The following NIPAL2 variants were observed in gnomAD, a reference collection of about 807,000 sequenced individuals.
The protein encoded by NIPAL2 is NIPA-like protein 2.
A neutral mutation model predicts 48.9 loss-of-function variants in NIPAL2; 43 were observed. The ratio of observed to expected loss-of-function variants is 0.88; its 90% CI spans 0.69 to 1.13. The LOEUF (loss-of-function observed/expected upper bound fraction) is 1.13, where lower values mean the gene tolerates loss of function less well. Among genes scored for constraint, NIPAL2 ranks in the 50% most tolerant of loss-of-function variants. NIPAL2 has a pLI of 0.00. For synonymous variants in NIPAL2, 167 were observed against 174.6 expected (o/e 0.96, Z 0.34); for missense variants, 446 against 461.4 (o/e 0.97, Z 0.31).
At chr8:98,283,522 T>C (rs1018948210) in intron 1 of NIPAL2, among the ~76,000 whole-genome samples, 2 of 152,210 alleles carry the variant, frequency 1.3e-5, no homozygotes, top group Admixed American at 1.3e-4. Flanking sequence ...CAGGTCAATA[T>C]AGGGCCTTAT....
At chr8:98,287,989 C>T (rs897560005) in intron 1 of NIPAL2, among the ~76,000 whole-genome samples, 1 of 152,102 alleles carries the variant, frequency 6.6e-6, no homozygotes, top group African/African-American at 2.4e-5. Flanking sequence ...GTGAAGCATG[C>T]AAGTTGAATA....
At chr8:98,260,514 G>A (rs1283383580) in intron 1 of NIPAL2, among the ~76,000 whole-genome samples, 1 of 152,200 alleles carries the variant, frequency 6.6e-6, no homozygotes, top group African/African-American at 2.4e-5. Flanking sequence ...AGAAAGGGGT[G>A]ACGGACGGCA....
At chr8:98,233,560 AGTAATAC>A (rs2034482546) in intron 4 of NIPAL2, among the ~76,000 whole-genome samples, 1 of 152,204 alleles carries the variant, frequency 6.6e-6, no homozygotes, top group African/African-American at 2.4e-5. Flanking sequence ...AGAGAAGTTA[AGTAATAC>A]TAGGTTGCCT....
At chr8:98,209,486 C>G (rs1424018401) in intron 6 of NIPAL2, among the ~76,000 whole-genome samples, 2 of 147,806 alleles carry the variant, frequency 1.4e-5, no homozygotes, top group East Asian at 4.0e-4. Context: ...GGCATGATGC[C>G]ACGCATCTGT....
chr8:98,265,375 C>CT (rs1319144792), intron 1 of NIPAL2, among the ~76,000 whole-genome samples: 7 of 138,260 alleles, frequency 5.1e-5, no homozygotes, highest in Non-Finnish European at 1.1e-4. Context: ...TTTTCGCAAC[C>CT]TACTCATCTG....
At chr8:98,218,472 C>T (rs950053738) in intron 5 of NIPAL2, among the ~76,000 whole-genome samples, 2 of 152,034 alleles carry the variant, frequency 1.3e-5, no homozygotes, top group Admixed American at 1.3e-4. Context: ...CCGAGACAGG[C>T]AATCTGAGTT....
Position 98,294,028 on chromosome 8 carries a change from G to T in NIPAL2, c.110C>A (p.Ser37Ter). The T allele has an allele frequency of 6.7e-7, 1 of 1,496,924 alleles. No individual in the cohort carries two copies. The highest frequency in any genetic ancestry group is 8.9e-7 in the Non-Finnish European group (1 of 1,123,006). 92.7% of individuals were successfully genotyped at this position (1,496,924 alleles called of 1,614,324 possible). The change falls in exon 1 of 11, where the codon TCG (serine) becomes TAG (stop). Residue 37 changes from serine (S) to a stop codon, truncating the protein, a stop_gained. Coordinates refer to ENST00000430223, the MANE Select transcript of NIPAL2 (RefSeq NM_001321635.2). LOFTEE classifies it high-confidence loss of function. ...CTGGTTCCTGCGGTACCAGTCGCCC[G>T]AGAGGGAGCCGTTGCCGGCGCCTGG... ...GAPGAGNGSL[S>*]GDWYRRNQIH...
rs1813743866 is a variant in NIPAL2 at position 98,254,077 on chromosome 8, A to G, written c.146T>C (p.Phe49Ser). 6.2e-7 allele frequency: 1 copy of G among 1,610,730 alleles called. No homozygotes were observed. Among genetic ancestry groups the G allele is most frequent in the Non-Finnish European group, 8.5e-7 (1 of 1,177,836 alleles). Reference protein sequence around the residue: ...DWYRRNQIHLFGVLLAILGNL... With the variant: ...DWYRRNQIHLSGVLLAILGNL... ...TCCTAAAATAGCCAGCAAAACTCCA[A>G]AAAGGTGAATCTGTAAAAGAAAATG... Residue 49 changes from phenylalanine (F) to serine (S), a missense_variant, in exon 2 of 11, where the codon TTT becomes TCT. Coordinates refer to ENST00000430223, the MANE Select transcript of NIPAL2 (RefSeq NM_001321635.2).
intron 4 of NIPAL2, among the ~76,000 whole-genome samples, chr8:98,224,205 T>C (rs898215036): frequency 3.3e-5 from 5 of 152,178 alleles, no homozygotes; most frequent in African/African-American, 9.7e-5. Flanking sequence ...ACAAGGGTGA[T>C]TGGTGGAAAG....
intron 4 of NIPAL2, among the ~76,000 whole-genome samples, chr8:98,225,353 T>C (rs1812115577): frequency 6.6e-6 from 1 of 152,236 alleles, no homozygotes; most frequent in African/African-American, 2.4e-5. Context: ...CTTAAATAAA[T>C]TCCTTTTAAA....
Position 98,193,208 on chromosome 8 carries a change from C to T in NIPAL2, c.1040-118G>A, listed in dbSNP as rs763043748. On this transcript the variant is annotated intron_variant, in intron 10 of 10. Transcript: ENST00000430223. The stretch of plus-strand genomic sequence containing the variant: ...CTCTCTTTTATACTATGTGGGCACT[C>T]TCTAAAGAGAAGAGATGAATATCAA... The T allele has an allele frequency of 2.0e-4, 214 of 1,050,264 alleles. 1 individual carries two copies. Among genetic ancestry groups the T allele is most frequent in the Non-Finnish European group, 2.7e-4 (185 of 682,484 alleles). The allele number at this position is 1,050,264 out of a possible 1,614,324, so 65.1% of individuals were successfully genotyped here.
chr8:98,258,032 C>T (rs1457614746), intron 1 of NIPAL2, among the ~76,000 whole-genome samples: 1 of 152,208 alleles, frequency 6.6e-6, no homozygotes, highest in Non-Finnish European at 1.5e-5. Flanking sequence ...CCATTGGTCA[C>T]TCATATTTGG....
chr8:98,290,853 C>T (rs193044794), intron 1 of NIPAL2, among the ~76,000 whole-genome samples: 53 of 152,146 alleles, frequency 3.5e-4, no homozygotes, highest in Admixed American at 4.6e-4. Context: ...AGTGATCATG[C>T]GGGGGAAAAG....
Position 98,259,525 on chromosome 8 carries a change from C to T in NIPAL2, c.136-5438G>A, listed in dbSNP as rs572550867. ...GCAGATTGCAAAAATGGACACAATT[C>T]CTTACTCCTCCCTATATCCGTGCCC... On this transcript the variant is annotated intron_variant, in intron 1 of 10. Transcript: ENST00000430223. Among the ~76,000 whole-genome samples, 3 of 152,246 alleles carry T rather than the reference C, an allele frequency of 2.0e-5. No individual in the cohort carries two copies. The East Asian group carries it at 5.8e-4, about 29-fold the overall frequency.
chr8:98,220,683 CAG>C (rs1047510632), intron 5 of NIPAL2, among the ~76,000 whole-genome samples: 49 of 152,136 alleles, frequency 3.2e-4, no homozygotes, highest in Admixed American at 2.2e-3. Context: ...TGTTGGGTAA[CAG>C]ATGTACACCA....
chr8:98,242,488 A>ATTTTTTGTTTTTTTGTTTTT (rs774556900), intron 3 of NIPAL2, among the ~76,000 whole-genome samples: 2 of 117,768 alleles, frequency 1.7e-5, no homozygotes, highest in African/African-American at 3.3e-5. Context: ...CACCTGACAG[A>ATTTTTTGTTTTTTTGTTTTT]TTTTTTTTTT....
At chr8:98,237,997 T>C (rs1185481407) in intron 3 of NIPAL2, among the ~76,000 whole-genome samples, 1 of 152,228 alleles carries the variant, frequency 6.6e-6, no homozygotes, top group Non-Finnish European at 1.5e-5. Flanking sequence ...TAAATGCTCA[T>C]TGAATGAAAT....
At chr8:98,204,001 T>G (rs1465031064) in intron 7 of NIPAL2, among the ~76,000 whole-genome samples, 3 of 151,714 alleles carry the variant, frequency 2.0e-5, no homozygotes, top group Non-Finnish European at 2.9e-5. Flanking sequence ...AACCAGGTCA[T>G]TTTAATGGGC....
At chr8:98,277,025 C>T in intron 1 of NIPAL2, among the ~76,000 whole-genome samples, 1 of 149,030 alleles carries the variant, frequency 6.7e-6, no homozygotes. Context: ...TCGCCTTGGC[C>T]TCCCAAAGTG....
Sources: allele counts gnomAD v4.1 joint callset (sites outside exome capture counted in the v4.1 genomes callset), GRCh38; gene constraint gnomAD v4.1.1; transcripts MANE v1.5; gene names NCBI Gene and HGNC (gene_info 2026-07-23, HGNC 2026-07-21).